The following CDK6 variants were observed in gnomAD, a reference collection of about 807,000 sequenced individuals.
CDK6 encodes cyclin dependent kinase 6.
CDK6 carries 6 observed loss-of-function variants against 37.1 expected under a neutral mutation model. That is an observed-to-expected ratio of 0.16 (90% CI 0.09 to 0.32). CDK6 has a LOEUF of 0.32. Ranked by LOEUF, CDK6 falls within the 10% of genes least tolerant of loss-of-function variation. CDK6 has a pLI of 1.00. For missense variants in CDK6, 224 were observed against 418.9 expected (o/e 0.53, Z 4.06); for synonymous variants, 160 against 161.3 (o/e 0.99, Z 0.06).
At chr7:92,632,712 C>T (rs1295459808) in intron 5 of CDK6, among the ~76,000 whole-genome samples, 1 of 151,848 alleles carries the variant, frequency 6.6e-6, no homozygotes, top group African/African-American at 2.4e-5. Flanking sequence ...TATTGCATAC[C>T]TATATCAAAA....
intron 2 of CDK6, among the ~76,000 whole-genome samples, chr7:92,811,629 G>GC (rs879299118): frequency 6.6e-6 from 1 of 151,830 alleles, no homozygotes; most frequent in Non-Finnish European, 1.5e-5. Context: ...CCTTGCCCTT[G>GC]CAACTACTAC....
chr7:92,655,629 C>G (rs984287734), intron 5 of CDK6, among the ~76,000 whole-genome samples: 3 of 152,208 alleles, frequency 2.0e-5, no homozygotes, highest in African/African-American at 7.2e-5. Context: ...GCTCTTGTTG[C>G]CCAACTTTCA....
intron 3 of CDK6, among the ~76,000 whole-genome samples, chr7:92,762,609 C>G (rs1162938923): frequency 6.6e-6 from 1 of 151,450 alleles, no homozygotes; most frequent in Non-Finnish European, 1.5e-5. Context: ...GCTCTGTCAC[C>G]CAGGCTGTAG....
chr7:92,798,300 T>C (rs1302876634), intron 2 of CDK6, among the ~76,000 whole-genome samples: 1 of 152,150 alleles, frequency 6.6e-6, no homozygotes, highest in African/African-American at 2.4e-5. Flanking sequence ...AGAAAGATAA[T>C]GGAAAAAAAC....
intron 2 of CDK6, among the ~76,000 whole-genome samples, chr7:92,816,771 A>G (rs898180842): frequency 3.9e-5 from 6 of 152,078 alleles, no homozygotes; most frequent in Non-Finnish European, 8.8e-5. Context: ...TAATGAAACA[A>G]AAAACTGGAT....
At chr7:92,795,490 T>G (rs560660353) in intron 2 of CDK6, among the ~76,000 whole-genome samples, 1 of 152,262 alleles carries the variant, frequency 6.6e-6, no homozygotes, top group African/African-American at 2.4e-5. Context: ...TGTGTTACAA[T>G]GACAATGTGT....
At chr7:92,821,564 CTACTT>C (rs994363476) in intron 2 of CDK6, among the ~76,000 whole-genome samples, 11 of 152,012 alleles carry the variant, frequency 7.2e-5, no homozygotes, top group African/African-American at 1.7e-4. Context: ...CTTTGGTACT[CTACTT>C]TATTAACAAC....
At position 92,610,402 on chromosome 7, in the gene CDK6, T is replaced by C. The variant is rs1435035967; in HGVS notation, c.*4738A>G. 8.6e-6 allele frequency: 2 copies of C among 231,504 alleles called. No individual in the cohort carries two copies. The highest frequency in any genetic ancestry group is 1.7e-5 in the Non-Finnish European group (2 of 117,078). 14.3% of individuals were successfully genotyped at this position (231,504 alleles called of 1,614,324 possible). On this transcript the variant is annotated 3_prime_UTR_variant, in exon 8 of 8. Coordinates refer to ENST00000424848, the MANE Select transcript of CDK6 (RefSeq NM_001145306.2). ...TTTTGAAAAGCTGATTGGCACTTCA[T>C]TAAGAAAATAAAAATCCCCAGAAAG...
intron 3 of CDK6, among the ~76,000 whole-genome samples, chr7:92,754,423 C>G (rs1283385181): frequency 6.6e-6 from 1 of 152,138 alleles, no homozygotes; most frequent in East Asian, 1.9e-4. Context: ...AACGCAAAAC[C>G]TGTTGAAGTT....
In CDK6 at chr7:92,614,717, AC is replaced by A; in HGVS notation, c.*422del. 3.8e-6 allele frequency: 1 copy of A among 260,426 alleles called. No homozygotes were observed. Among genetic ancestry groups the A allele is most frequent in the Non-Finnish European group, 7.5e-6 (1 of 133,554 alleles). 16.1% of individuals were successfully genotyped at this position (260,426 alleles called of 1,614,324 possible). ...CACATACACACACACACACACACAC[AC>A]ACACACACACATGCACACACACACT... is the stretch of plus-strand genomic sequence containing the variant. On this transcript the variant is annotated 3_prime_UTR_variant, in exon 8 of 8. Transcript: ENST00000424848.
intron 3 of CDK6, among the ~76,000 whole-genome samples, chr7:92,735,417 C>T (rs985215522): frequency 2.0e-5 from 3 of 152,092 alleles, no homozygotes; most frequent in Admixed American, 1.3e-4. Context: ...TCAGCTCTTC[C>T]CCGCTCCTCT....
chr7:92,833,222 C>T lies in CDK6; in HGVS notation c.102G>A (p.Lys34=), dbSNP rs372598027. ...YGKVFKARDL[K]NGGRFVALKR... ...TCAACGCCACGAAACGGCCTCCGTT[C>T]TTCAAGTCGCGGGCCTTGAACACCT... is the stretch of plus-strand genomic sequence containing the variant. Residue 34 remains lysine (K), a synonymous_variant, in exon 2 of 8, where the codon AAG becomes AAA. Transcript: ENST00000424848. This position sits in a 1 kb window ranked among gnomAD's most constrained non-coding sequence, Gnocchi z 6.1. 2.5e-6 allele frequency: 4 copies of T among 1,610,710 alleles called. No individual in the cohort carries two copies. Among genetic ancestry groups the T allele is most frequent in the Non-Finnish European group, 3.4e-6 (4 of 1,179,078 alleles).
chr7:92,789,629 T>C (rs1327919898), intron 2 of CDK6, among the ~76,000 whole-genome samples: 2 of 152,330 alleles, frequency 1.3e-5, no homozygotes, highest in South Asian at 2.1e-4. Flanking sequence ...GGGGTAACCA[T>C]TAAAAAATTC....
chr7:92,773,363 T>C (rs1584074521), intron 3 of CDK6, among the ~76,000 whole-genome samples: 2 of 152,134 alleles, frequency 1.3e-5, no homozygotes, highest in African/African-American at 2.4e-5. Flanking sequence ...AGAAATGGCA[T>C]GAGAAGGAAG....
intron 4 of CDK6, among the ~76,000 whole-genome samples, chr7:92,698,677 C>T (rs183681458): frequency 7.2e-5 from 11 of 152,284 alleles, no homozygotes; most frequent in Non-Finnish European, 1.5e-4. Context: ...CGGTGTAATT[C>T]AGACGAGCAT....
intron 4 of CDK6, chr7:92,725,328 A>G (rs1178915244): frequency 1.0e-6 from 1 of 985,268 alleles, no homozygotes; most frequent in African/African-American, 1.7e-5. Context: ...TACAGCTCTG[A>G]AAACAGTGGT....
At chr7:92,739,817 G>A (rs956563663) in intron 3 of CDK6, among the ~76,000 whole-genome samples, 1 of 152,164 alleles carries the variant, frequency 6.6e-6, no homozygotes, top group Non-Finnish European at 1.5e-5. Context: ...ATGGAGTGCA[G>A]TGGTGAAGCT....
At chr7:92,720,272 G>C (rs1798335384) in intron 4 of CDK6, among the ~76,000 whole-genome samples, 1 of 152,162 alleles carries the variant, frequency 6.6e-6, no homozygotes, top group African/African-American at 2.4e-5. Flanking sequence ...TAGAATCTGA[G>C]AGTTCCACAG....
intron 5 of CDK6, among the ~76,000 whole-genome samples, chr7:92,645,403 G>C (rs1158458845): frequency 6.6e-6 from 1 of 152,186 alleles, no homozygotes; most frequent in African/African-American, 2.4e-5. Flanking sequence ...GTACAAGAAA[G>C]ATAAGTAAAT....
Sources: allele counts gnomAD v4.1 joint callset (sites outside exome capture counted in the v4.1 genomes callset), GRCh38; gene constraint gnomAD v4.1.1; non-coding constraint Gnocchi (gnomAD v3.1); transcripts MANE v1.5; gene names NCBI Gene and HGNC (gene_info 2026-07-23, HGNC 2026-07-21).